The following BRD4 variants were observed in gnomAD, a reference collection of about 807,000 sequenced individuals.
BRD4 encodes bromodomain containing 4, also known as bromodomain-containing protein 4.
Under a neutral mutation model 142.1 loss-of-function variants are expected in BRD4, and 16 were observed. The ratio of observed to expected loss-of-function variants is 0.11; its 90% CI spans 0.08 to 0.17. BRD4 has a LOEUF of 0.17. BRD4 is among the 10% of genes least tolerant of loss of function. The pLI is 1.00. For missense variants in BRD4, 1,424 were observed against 1,810.9 expected, an observed-to-expected ratio of 0.79 and a Z score of 3.88; for synonymous variants, 833 against 707.5, an observed-to-expected ratio of 1.18 and a Z score of -2.82.
At chr19:15,255,151 C>A (rs1568383501) in intron 10 of BRD4, 146 bp downstream of exon 10, 3 of 803,800 alleles carry the variant, frequency 3.7e-6, no homozygotes, top group Non-Finnish European at 5.7e-6. Context: ...CACAACCTTT[C>A]GGAGGTTTCT....
intron 1 of BRD4, among the ~76,000 whole-genome samples, chr19:15,315,152 GTTTT>G (rs766690592): frequency 2.6e-4 from 38 of 148,794 alleles, no homozygotes; most frequent in African/African-American, 9.4e-4. Flanking sequence ...GACTGGCTTT[GTTTT>G]TTTTTTCCCC....
chr19:15,304,203 G>T (rs559614371), intron 1 of BRD4, among the ~76,000 whole-genome samples: 134 of 152,184 alleles, frequency 8.8e-4, no homozygotes, highest in East Asian at 1.5e-3. Context: ...AAATGCTGAC[G>T]ACTACCAGGT....
At chr19:15,245,986 G>A (rs200776910) in intron 11 of BRD4, among the ~76,000 whole-genome samples, 1 of 152,168 alleles carries the variant, frequency 6.6e-6, no homozygotes, top group African/African-American at 2.4e-5. Context: ...CCACCAAAAG[G>A]GATGGGGAAG....
intron 7 of BRD4, among the ~76,000 whole-genome samples, chr19:15,260,882 G>A (rs2047462531): frequency 1.3e-5 from 2 of 152,024 alleles, no homozygotes; most frequent in South Asian, 4.1e-4. Context: ...AGGGTGTCAG[G>A]AGAGGACAGA....
intron 8 of BRD4, among the ~76,000 whole-genome samples, chr19:15,256,716 C>T (rs1431712086): frequency 1.3e-5 from 2 of 152,316 alleles, no homozygotes; most frequent in Non-Finnish European, 2.9e-5. Flanking sequence ...GATCAAGCCA[C>T]CTCCTCTCTG....
In BRD4 at chr19:15,297,881, G is replaced by A. The variant is rs548315474; in HGVS notation, c.-34-24748C>T. Among the ~76,000 whole-genome samples the A allele has an allele frequency of 1.7e-4, 26 of 152,312 alleles. 1 individual carries two copies. Among genetic ancestry groups the A allele is most frequent in the African/African-American group, 5.8e-4 (24 of 41,570 alleles). ...AAACCCAAGGGACCAGGTGCAGCAC[G>A]GTGAAAGAGTGCTGCCTACATGTGT... On this transcript the variant is annotated intron_variant, in intron 1 of 19. Transcript: ENST00000679869.
intron 7 of BRD4, among the ~76,000 whole-genome samples, chr19:15,257,616 A>G (rs1468769914): frequency 6.6e-6 from 1 of 152,118 alleles, no homozygotes; most frequent in East Asian, 1.9e-4. Flanking sequence ...CAGAGGACAC[A>G]GCACACGCAG....
chr19:15,294,896 C>T (rs191775184), intron 1 of BRD4, among the ~76,000 whole-genome samples: 191 of 152,258 alleles, frequency 1.3e-3, no homozygotes, highest in Middle Eastern at 0.01. Flanking sequence ...CCAGACCCCA[C>T]GCCCAGAAGG....
At chr19:15,316,306 T>C (rs1418987523) in intron 1 of BRD4, among the ~76,000 whole-genome samples, 2 of 152,008 alleles carry the variant, frequency 1.3e-5, no homozygotes, top group African/African-American at 4.8e-5. Flanking sequence ...CCCGCTTCTA[T>C]ATTCCCAGAC....
chr19:15,324,045 G>C (rs1424623099), intron 1 of BRD4, among the ~76,000 whole-genome samples: 1 of 152,264 alleles, frequency 6.6e-6, no homozygotes, highest in African/African-American at 2.4e-5. Flanking sequence ...AGGCCAGAAG[G>C]GGGTGGGGCT....
In BRD4 at chr19:15,272,830, G is replaced by C. The variant is rs182654114; in HGVS notation, c.270C>G (p.Val90=). ...AWPFQQPVDA[V]KLNLPDYYKI... ...CACTACTCACAGGGAGGTTCAGCTT[G>C]ACGGCATCCACAGGCTGCTGGAAAG... Residue 90 remains valine, a synonymous_variant, in exon 2 of 20, where the codon GTC becomes GTG. Coordinates refer to ENST00000679869, the MANE Select transcript of BRD4 (RefSeq NM_001379291.1). 22 of 1,613,964 alleles carry C rather than the reference G, an allele frequency of 1.4e-5. No individual in the cohort carries two copies. Among genetic ancestry groups the C allele is most frequent in the Non-Finnish European group, 1.9e-5 (22 of 1,179,912 alleles).
intron 1 of BRD4, among the ~76,000 whole-genome samples, chr19:15,306,318 G>C (rs1312582748): frequency 6.6e-6 from 1 of 152,188 alleles, no homozygotes; most frequent in Non-Finnish European, 1.5e-5. Context: ...ATCCAGGCTG[G>C]AGTGCAGTGG....
intron 7 of BRD4, among the ~76,000 whole-genome samples, chr19:15,259,051 G>A (rs1000298968): frequency 6.6e-6 from 1 of 152,172 alleles, no homozygotes; most frequent in African/African-American, 2.4e-5. Context: ...AGGCCCCAGT[G>A]AGAGAGTAAG....
chr19:15,244,895 C>A, intron 11 of BRD4, 133 bp from the exon 12 acceptor site: 1 of 1,485,434 alleles, frequency 6.7e-7, no homozygotes, highest in Non-Finnish European at 9.1e-7. Flanking sequence ...CAGCCGAGTT[C>A]AATGAGGGAT....
intron 1 of BRD4, among the ~76,000 whole-genome samples, chr19:15,313,474 A>C (rs1671819146): frequency 6.6e-6 from 1 of 150,732 alleles, no homozygotes; most frequent in Non-Finnish European, 1.5e-5. Context: ...GGAGTTCAAG[A>C]CTAAGCCTGG....
At chr19:15,289,254 C>T (rs1199410784) in intron 1 of BRD4, among the ~76,000 whole-genome samples, 1 of 152,122 alleles carries the variant, frequency 6.6e-6, no homozygotes, top group Non-Finnish European at 1.5e-5. Context: ...TCCTTAGCTA[C>T]TTAAAATCAG....
At chr19:15,331,494 G>A (rs771253793) in intron 1 of BRD4, among the ~76,000 whole-genome samples, 1 of 152,358 alleles carries the variant, frequency 6.6e-6, no homozygotes, top group African/African-American at 2.4e-5. Context: ...AAAACAAAGC[G>A]CCCAGCAAGG....
chr19:15,290,231 G>T (rs1196433904), intron 1 of BRD4, among the ~76,000 whole-genome samples: 1 of 152,142 alleles, frequency 6.6e-6, no homozygotes, highest in Non-Finnish European at 1.5e-5. Context: ...AACACCAAGA[G>T]TAAGCTGACT....
chr19:15,288,569 C>T (rs147520767), intron 1 of BRD4, among the ~76,000 whole-genome samples: 287 of 152,336 alleles, frequency 1.9e-3, no homozygotes, highest in Admixed American at 2.9e-3. Context: ...CCACACCCTC[C>T]GCTGGCTTCT....
Sources: allele counts gnomAD v4.1 joint callset (sites outside exome capture counted in the v4.1 genomes callset), GRCh38; gene constraint gnomAD v4.1.1; transcripts MANE v1.5; gene names NCBI Gene and HGNC (gene_info 2026-07-23, HGNC 2026-07-21).